UEVLD: variants seen among roughly 807,000 people sequenced by gnomAD.
UEVLD encodes the protein ubiquitin-conjugating enzyme E2 variant 3.
A neutral mutation model predicts 58.6 loss-of-function variants in UEVLD; 47 were observed. The observed-to-expected ratio is 0.80, with a 90% confidence interval of 0.63 to 1.02. UEVLD has a LOEUF of 1.02. UEVLD is among the 50% of genes least tolerant of loss of function. The pLI, the probability that UEVLD is intolerant of heterozygous loss-of-function variation, is 0.00. For missense variants in UEVLD, 510 were observed against 550.6 expected, an observed-to-expected ratio of 0.93 and a Z score of 0.74; for synonymous variants, 197 against 195.3, an observed-to-expected ratio of 1.01 and a Z score of -0.07.
In UEVLD at chr11:18,558,411, A is replaced by G. The variant is rs943731374; in HGVS notation, c.613-81T>C. On this transcript the variant is annotated intron_variant, in intron 6 of 11. Coordinates refer to ENST00000396197, the MANE Select transcript of UEVLD (RefSeq NM_001040697.4). ...TTCATTCAACAATGAGGACTAAAGG[A>G]CAATAAACAGGCCTCATACACTGTC... 2.4e-5 allele frequency: 21 copies of G among 886,752 alleles called. No homozygotes were observed. In the African/African-American group the frequency reaches 3.3e-4, roughly 14 times the overall value. The allele number at this position is 886,752 out of a possible 1,614,324, so 54.9% of individuals were successfully genotyped here.
intron 9 of UEVLD, among the ~76,000 whole-genome samples, chr11:18,538,277 A>G (rs554842608): frequency 1.3e-3 from 200 of 150,548 alleles, no homozygotes; most frequent in Non-Finnish European, 2.2e-3. Context: ...TCTTGCACAT[A>G]TTCTTTTTTT....
intron 10 of UEVLD, among the ~76,000 whole-genome samples, chr11:18,535,941 C>T (rs971455812): frequency 6.6e-6 from 1 of 152,178 alleles, no homozygotes; most frequent in South Asian, 2.1e-4. Context: ...TCAAGACCAT[C>T]CTGACCAACA....
intron 7 of UEVLD, 48 bp from the exon 8 acceptor site, chr11:18,547,098 C>T: frequency 6.4e-7 from 1 of 1,566,190 alleles, no homozygotes; most frequent in Non-Finnish European, 8.6e-7. Context: ...AGGCTTTAAT[C>T]AAGTTCTAGT....
intron 6 of UEVLD, among the ~76,000 whole-genome samples, chr11:18,561,822 A>T (rs12049851): frequency 0.18 from 26,440 of 146,268 alleles, 2,706 homozygotes; most frequent in East Asian, 0.41. Context: ...ACAGGGCGAG[A>T]CTTCGTCTCA....
chr11:18,560,393 T>C (rs1851980306), intron 6 of UEVLD, among the ~76,000 whole-genome samples: 1 of 152,164 alleles, frequency 6.6e-6, no homozygotes, highest in African/African-American at 2.4e-5. Flanking sequence ...GCAGTAGTTG[T>C]AGGAAAATAA....
chr11:18,568,966 C>G (rs1197083984), intron 4 of UEVLD, among the ~76,000 whole-genome samples: 1 of 152,182 alleles, frequency 6.6e-6, no homozygotes, highest in Non-Finnish European at 1.5e-5. Context: ...GCAATCTTGG[C>G]TCACTGCAAG....
intron 2 of UEVLD, 134 bp from the exon 3 acceptor site, chr11:18,575,546 C>A: frequency 1.2e-6 from 1 of 807,778 alleles, no homozygotes; most frequent in South Asian, 2.1e-5. Flanking sequence ...TAAACATAAT[C>A]TAGGAATCGG....
intron 7 of UEVLD, among the ~76,000 whole-genome samples, chr11:18,549,574 G>A (rs535212180): frequency 3.3e-5 from 5 of 150,464 alleles, no homozygotes; most frequent in African/African-American, 1.2e-4. Context: ...GCCCGCCACT[G>A]AGCCCGGCTA....
At chr11:18,536,495 T>G (rs113453653) in intron 9 of UEVLD, 26 bp from the exon 10 acceptor site, 1 of 1,596,126 alleles carries the variant, frequency 6.3e-7, no homozygotes, top group Non-Finnish European at 8.6e-7. Context: ...GAATTAATTA[T>G]GTTTTGCCAG....
Position 18,532,337 on chromosome 11 carries a change from G to C in UEVLD, c.1399C>G (p.Gln467Glu). Residue 467 changes from glutamine (Q) to glutamate (E), a missense_variant, in exon 12 of 12, where the codon CAA (glutamine) becomes GAA (glutamate). Physicochemically the swap from Gln to Glu is conservative, Grantham distance 29. Transcript: ENST00000396197. ...TTTGAGAATCAAAGTTTTAACTGTTGTTGGAGACTGTGGATTGAGGATGCA... is the reference window on the plus strand; with the variant it reads ...TTTGAGAATCAAAGTTTTAACTGTTCTTGGAGACTGTGGATTGAGGATGCA... Reference protein sequence around the residue: ...SSASSIHSLQQQLKL With the variant: ...SSASSIHSLQEQLKL The C allele has an allele frequency of 6.2e-7, 1 of 1,608,264 alleles. No homozygotes were observed. Among genetic ancestry groups the C allele is most frequent in the Non-Finnish European group, 8.5e-7 (1 of 1,178,058 alleles).
At chr11:18,562,110 G>A (rs949437143) in intron 6 of UEVLD, among the ~76,000 whole-genome samples, 1 of 151,886 alleles carries the variant, frequency 6.6e-6, no homozygotes, top group African/African-American at 2.4e-5. Flanking sequence ...TTTGAGACAG[G>A]GTCTCACTGT....
At chr11:18,577,557 A>C (rs1852981122) in intron 2 of UEVLD, among the ~76,000 whole-genome samples, 1 of 152,206 alleles carries the variant, frequency 6.6e-6, no homozygotes, top group African/African-American at 2.4e-5. Flanking sequence ...GCCCTCATGA[A>C]TGAGACTAGT....
chr11:18,537,372 C>T (rs1415030644), intron 9 of UEVLD, among the ~76,000 whole-genome samples: 1 of 144,846 alleles, frequency 6.9e-6, no homozygotes, highest in Non-Finnish European at 1.5e-5. Context: ...CTCGCTGTTA[C>T]CTAGCCTGGT....
At chr11:18,551,484 A>T (rs555098254) in intron 7 of UEVLD, among the ~76,000 whole-genome samples, 23 of 150,200 alleles carry the variant, frequency 1.5e-4, no homozygotes, top group Admixed American at 1.1e-3. Flanking sequence ...AATTCAACAA[A>T]CCCCTACTAA....
intron 2 of UEVLD, among the ~76,000 whole-genome samples, chr11:18,576,274 C>T (rs1352352630): frequency 2.0e-5 from 3 of 152,228 alleles, no homozygotes; most frequent in Middle Eastern, 3.4e-3. Context: ...GGTTTATGGC[C>T]GGGCACGGTG....
At chr11:18,557,870 T>C (rs1479635633) in intron 7 of UEVLD, among the ~76,000 whole-genome samples, 1 of 152,224 alleles carries the variant, frequency 6.6e-6, no homozygotes, top group Non-Finnish European at 1.5e-5. Context: ...AGAGCAGGGA[T>C]GGAAACTTCT....
chr11:18,572,563 G>C (rs972218800), intron 3 of UEVLD, among the ~76,000 whole-genome samples: 1 of 152,134 alleles, frequency 6.6e-6, no homozygotes, highest in Non-Finnish European at 1.5e-5. Context: ...CCAGCACTTC[G>C]GGAGGCAGAG....
intron 3 of UEVLD, among the ~76,000 whole-genome samples, 187 bp downstream of exon 3, chr11:18,575,160 G>C (rs1414828283): frequency 1.3e-5 from 2 of 152,104 alleles, no homozygotes; most frequent in African/African-American, 4.8e-5. Flanking sequence ...GTAAGTATTT[G>C]TTGAATTGAA....
rs767700886 is a variant in UEVLD at position 18,532,315 on chromosome 11, G to A, written c.*5C>T. On this transcript the variant is annotated 3_prime_UTR_variant, in exon 12 of 12. Coordinates refer to ENST00000396197, the MANE Select transcript of UEVLD (RefSeq NM_001040697.4). Reference sequence around the variant, plus strand: ...AAGTCCAGCCTCTCAAATTGCATTTGAGAATCAAAGTTTTAACTGTTGTTG... The same window carrying A: ...AAGTCCAGCCTCTCAAATTGCATTTAAGAATCAAAGTTTTAACTGTTGTTG... The A allele has an allele frequency of 1.9e-6, 3 of 1,591,494 alleles. No individual in the cohort carries two copies. The highest frequency in any genetic ancestry group is 1.8e-5 in the Admixed American group (1 of 55,574).
Sources: allele counts gnomAD v4.1 joint callset (sites outside exome capture counted in the v4.1 genomes callset), GRCh38; gene constraint gnomAD v4.1.1; transcripts MANE v1.5; gene names NCBI Gene and HGNC (gene_info 2026-07-23, HGNC 2026-07-21).